The following ZNF622 variants were observed in gnomAD, a reference collection of about 807,000 sequenced individuals.
The protein encoded by ZNF622 is zinc finger protein 622.
A neutral mutation model predicts 49.7 loss-of-function variants in ZNF622; 34 were observed. That is an observed-to-expected ratio of 0.68 (90% CI 0.52 to 0.91). The LOEUF is 0.91. ZNF622 is among the 40% of genes least tolerant of loss of function. ZNF622 has a pLI of 0.00. For synonymous variants in ZNF622, 209 were observed against 228.7 expected (o/e 0.91, Z 0.78); for missense variants, 569 against 616.4 (o/e 0.92, Z 0.81).
intron 3 of ZNF622, among the ~76,000 whole-genome samples, chr5:16,461,729 T>A (rs1738124609): frequency 6.6e-6 from 1 of 152,180 alleles, no homozygotes; most frequent in African/African-American, 2.4e-5. Flanking sequence ...CAGGTTAAGT[T>A]AATGATTCCT....
chr5:16,452,163 G>A, intron 5 of ZNF622, among the ~76,000 whole-genome samples: 1 of 152,180 alleles, frequency 6.6e-6, no homozygotes, highest in East Asian at 1.9e-4. Flanking sequence ...TGGCCACACA[G>A]CTCACAAGCA....
intron 3 of ZNF622, 39 bp from the exon 4 acceptor site, chr5:16,458,668 C>A (rs755814747): frequency 2.8e-6 from 4 of 1,415,906 alleles, no homozygotes; most frequent in Non-Finnish European, 3.9e-6. Flanking sequence ...AGACTAATAT[C>A]TCAAATTGAA....
intron 4 of ZNF622, among the ~76,000 whole-genome samples, chr5:16,453,529 T>C (rs1737967146): frequency 7.0e-6 from 1 of 143,524 alleles, no homozygotes; most frequent in Non-Finnish European, 1.5e-5. Context: ...AAGAGATTTT[T>C]AGCGTTTTAT....
intron 4 of ZNF622, among the ~76,000 whole-genome samples, chr5:16,454,538 T>C (rs143283254): frequency 5.6e-4 from 81 of 144,216 alleles, no homozygotes; most frequent in African/African-American, 1.9e-3. Flanking sequence ...TGGCCACCAA[T>C]TGGAAATTCT....
chr5:16,458,071 T>A (rs1428864026), intron 4 of ZNF622, among the ~76,000 whole-genome samples: 2 of 152,140 alleles, frequency 1.3e-5, no homozygotes, highest in Admixed American at 6.5e-5. Context: ...TCATACCTCA[T>A]GGTGGCTAAA....
intron 3 of ZNF622, among the ~76,000 whole-genome samples, chr5:16,462,718 G>C (rs538511118): frequency 5.1e-4 from 77 of 152,258 alleles, no homozygotes; most frequent in African/African-American, 1.8e-3. Flanking sequence ...CAGATGCCTG[G>C]TTTGGGCCTG....
In ZNF622 at chr5:16,463,813, C is replaced by T; in HGVS notation, c.626-71G>A. 14 of 1,519,124 alleles carry T rather than the reference C, an allele frequency of 9.2e-6. No individual in the cohort carries two copies. The highest frequency in any genetic ancestry group is 1.2e-5 in the South Asian group (1 of 81,242). 94.1% of individuals were successfully genotyped at this position (1,519,124 alleles called of 1,614,324 possible). A position where few individuals can be genotyped will look rare whatever the true frequency, so the allele number is the denominator to read the frequency against. On this transcript the variant is annotated intron_variant, in intron 1 of 5. Coordinates refer to ENST00000308683, the MANE Select transcript of ZNF622 (RefSeq NM_033414.3). The surrounding 1 kb of genome is among the most constrained non-coding windows in gnomAD (Gnocchi z 4.2). The stretch of plus-strand genomic sequence containing the variant: ...CAAGCAAAGATATCACAAAAATTCA[C>T]GAGGTGATACAGTCCTATATTTGGA...
intron 1 of ZNF622, 96 bp downstream of exon 1, chr5:16,464,945 T>C: frequency 6.7e-7 from 1 of 1,485,400 alleles, no homozygotes; most frequent in Non-Finnish European, 9.0e-7. Flanking sequence ...TTAAAAGCTC[T>C]CAAACACACA....
At chr5:16,455,746 C>T (rs187580140) in intron 4 of ZNF622, among the ~76,000 whole-genome samples, 1 of 152,194 alleles carries the variant, frequency 6.6e-6, no homozygotes, top group South Asian at 2.1e-4. Context: ...TATTCTTAAG[C>T]AACATGTGGA....
intron 4 of ZNF622, among the ~76,000 whole-genome samples, chr5:16,453,894 C>G (rs926428534): frequency 6.6e-6 from 1 of 151,886 alleles, no homozygotes; most frequent in African/African-American, 2.4e-5. Context: ...TCCAAAATGT[C>G]AATAGTGCCA....
chr5:16,460,060 A>G (rs1738099414), intron 3 of ZNF622, among the ~76,000 whole-genome samples: 1 of 152,210 alleles, frequency 6.6e-6, no homozygotes, highest in Admixed American at 6.5e-5. Context: ...TAAAATTTGC[A>G]GATGTTCCAG....
rs771534809 is a variant in ZNF622 at position 16,465,112 on chromosome 5, T to C, written c.554A>G (p.Gln185Arg). The change falls in exon 1 of 6, where the codon CAG becomes CGG. Residue 185 changes from glutamine (Q) to arginine (R), a missense_variant. Gln to Arg is a conservative substitution (Grantham distance 43). Coordinates refer to ENST00000308683, the MANE Select transcript of ZNF622 (RefSeq NM_033414.3). This position sits in a 1 kb window ranked among gnomAD's most constrained non-coding sequence, Gnocchi z 6.2. ...EKPPRLQWFE[Q>R]QAKKLAKQQE... ...CTGCTTTGCCAACTTCTTCGCCTGC[T>C]GTTCAAACCACTGGAGCCGGGGTGG... 2.0e-5 allele frequency: 33 copies of C among 1,613,294 alleles called. 1 individual carries two copies. Among genetic ancestry groups the C allele is most frequent in the Non-Finnish European group, 2.7e-5 (32 of 1,179,520 alleles).
In ZNF622 at chr5:16,463,447, T is replaced by C. The variant is rs1324943105; in HGVS notation, c.886+35A>G. ...GAGACCAGTCCCCCAATAATGTGAT[T>C]ATTTCCTCATTAAAAGGAAAACTAT... On this transcript the variant is annotated intron_variant, in intron 2 of 5. Transcript: ENST00000308683. The surrounding 1 kb of genome is among the most constrained non-coding windows in gnomAD (Gnocchi z 4.2). 6.3e-7 allele frequency: 1 copy of C among 1,580,166 alleles called. No homozygotes were observed.
chr5:16,462,536 C>T (rs745618123), intron 3 of ZNF622, among the ~76,000 whole-genome samples: 18 of 152,088 alleles, frequency 1.2e-4, no homozygotes, highest in Middle Eastern at 3.2e-3. Context: ...TTGGTGCACA[C>T]TAGCTGCTGG....
Position 16,451,601 on chromosome 5 carries a change from C to G in ZNF622, c.*56G>C. The stretch of plus-strand genomic sequence containing the variant: ...CTCCTATGATCTGTCTTTCACTGGT[C>G]CTCAGGGCAAGGAGGAAACTTGGGC... On this transcript the variant is annotated 3_prime_UTR_variant, in exon 6 of 6. Transcript: ENST00000308683. 6.3e-7 allele frequency: 1 copy of G among 1,591,394 alleles called. No homozygotes were observed. The highest frequency in any genetic ancestry group is 8.5e-7 in the Non-Finnish European group (1 of 1,169,998).
intron 3 of ZNF622, among the ~76,000 whole-genome samples, chr5:16,462,158 G>A (rs1203664920): frequency 6.6e-6 from 1 of 152,126 alleles, no homozygotes; most frequent in Non-Finnish European, 1.5e-5. Context: ...CAAGTCTCCA[G>A]CTGCAAAATG....
At chr5:16,462,045 T>C (rs1190309060) in intron 3 of ZNF622, among the ~76,000 whole-genome samples, 1 of 152,144 alleles carries the variant, frequency 6.6e-6, no homozygotes, top group Non-Finnish European at 1.5e-5. Context: ...GGATAAATAC[T>C]GAAAGAGGAT....
At chr5:16,453,194 G>A in intron 4 of ZNF622, 38 bp from the exon 5 acceptor site, 1 of 1,406,814 alleles carries the variant, frequency 7.1e-7, no homozygotes. Flanking sequence ...CACTGAGTTG[G>A]ATAGTTTTTT....
intron 4 of ZNF622, among the ~76,000 whole-genome samples, chr5:16,455,433 T>A (rs1738010792): frequency 6.6e-6 from 1 of 152,248 alleles, no homozygotes; most frequent in Non-Finnish European, 1.5e-5. Flanking sequence ...TGTTTTATCA[T>A]CATACTCAAG....
Sources: gnomAD v4.1 joint callset for allele counts (sites outside exome capture counted in the v4.1 genomes callset) on GRCh38, gnomAD v4.1.1 for gene constraint, Gnocchi (gnomAD v3.1) non-coding constraint, MANE v1.5 for transcripts, NCBI Gene and HGNC (gene_info 2026-07-23, HGNC 2026-07-21) for gene names.